The following PIGF variants were observed in gnomAD, a reference collection of about 807,000 sequenced individuals.
The protein encoded by PIGF is GPI ethanolamine phosphate transferase, stabilizing subunit.
In PIGF, 23 loss-of-function variants were observed where a neutral mutation model predicts 26.0. The ratio of observed to expected loss-of-function variants is 0.88; its 90% CI spans 0.64 to 1.25. The LOEUF (loss-of-function observed/expected upper bound fraction) is 1.25. Ranked by LOEUF, PIGF falls within the 50% of genes most tolerant of loss-of-function variation. PIGF has a pLI of 0.00. For synonymous variants in PIGF, 93 were observed against 92.6 expected, an observed-to-expected ratio of 1.00 and a Z score of -0.03; for missense variants, 278 against 249.9, an observed-to-expected ratio of 1.11 and a Z score of -0.76.
Position 46,615,197 on chromosome 2 carries a change from C to T in PIGF, c.-21-12G>A, listed in dbSNP as rs1359932688. ...TCTTGGATGGCTAGCTAACAAAAAA[C>T]AAGAAAAGAAGAGCATATGCAATAA... On this transcript the variant is annotated splice_polypyrimidine_tract_variant and intron_variant, in intron 1 of 5. Transcript: ENST00000281382. The T allele has an allele frequency of 9.2e-7, 1 of 1,082,508 alleles. No homozygotes were observed. The highest frequency in any genetic ancestry group is 1.4e-6 in the Non-Finnish European group (1 of 708,424). 67.1% of individuals were successfully genotyped at this position (1,082,508 alleles called of 1,614,324 possible).
chr2:46,587,655 G>A (rs1272783729), intron 5 of PIGF, among the ~76,000 whole-genome samples: 4 of 152,120 alleles, frequency 2.6e-5, no homozygotes, highest in African/African-American at 9.7e-5. Flanking sequence ...GCCGAGACTT[G>A]ATTATTTGGT....
Position 46,615,121 on chromosome 2 carries a change from A to G in PIGF, c.44T>C (p.Leu15Ser). Residue 15 changes from leucine to serine, a missense_variant, in exon 2 of 6, where the codon TTA becomes TCA. Coordinates refer to ENST00000281382, the MANE Select transcript of PIGF (RefSeq NM_002643.4). ...ACTTAGGATAATTGAAAATATGCAT[A>G]AAAGATGGGTATACAGTAGTCTCTT... is the stretch of plus-strand genomic sequence containing the variant. The part of the protein sequence containing the change: ...DIKRLLYTHL[L>S]CIFSIILSVF... 2 of 1,576,254 alleles carry G rather than the reference A, an allele frequency of 1.3e-6. No individual in the cohort carries two copies. Among genetic ancestry groups the G allele is most frequent in the Non-Finnish European group, 1.7e-6 (2 of 1,145,484 alleles).
intron 4 of PIGF, among the ~76,000 whole-genome samples, chr2:46,606,052 T>C (rs1328064628): frequency 6.6e-6 from 1 of 152,210 alleles, no homozygotes; most frequent in Non-Finnish European, 1.5e-5. Context: ...CTACTGAAGT[T>C]TAGGTGACAT....
At chr2:46,582,394 G>GTGTT (rs1283749863) in intron 5 of PIGF, 3 of 152,122 alleles carry the variant, frequency 2.0e-5, no homozygotes, top group East Asian at 3.8e-4. Flanking sequence ...CCACAGAACT[G>GTGTT]TGTTAGAGGT....
At chr2:46,585,407 C>T (rs1333047525) in intron 5 of PIGF, among the ~76,000 whole-genome samples, 4 of 151,872 alleles carry the variant, frequency 2.6e-5, no homozygotes, top group African/African-American at 9.7e-5. Context: ...TTAAAATTAC[C>T]AGGAAGAAGA....
intron 2 of PIGF, 73 bp downstream of exon 2, chr2:46,614,864 T>A (rs893378163): frequency 4.2e-6 from 3 of 707,012 alleles, no homozygotes; most frequent in South Asian, 1.8e-5. Context: ...AAAGACTTGA[T>A]GAATACTTTA....
rs749820138 is a variant in PIGF at position 46,592,624 on chromosome 2, T to A, written c.438-41A>T. The A allele has an allele frequency of 1.6e-4, 154 of 957,758 alleles. No homozygotes were observed. The East Asian group carries it at 3.7e-3, about 23-fold the overall frequency. The allele number at this position is 957,758 out of a possible 1,614,324, so 59.3% of individuals were successfully genotyped here. A position where few individuals can be genotyped will look rare whatever the true frequency, so the allele number is the denominator to read the frequency against. ...TGGTACATCGTTGGTGGTATATACA[T>A]GAGCTGCTGGAGAATCCAACAAGCA... On this transcript the variant is annotated intron_variant, in intron 4 of 5. Transcript: ENST00000281382.
At chr2:46,610,866 T>C (rs6713104) in intron 4 of PIGF, among the ~76,000 whole-genome samples, 21,544 of 152,134 alleles carry the variant, frequency 0.14, 2,232 homozygotes, top group African/African-American at 0.29. Flanking sequence ...AAGTCGGTAA[T>C]TTATGAAGCC....
chr2:46,591,758 T>C, intron 5 of PIGF: 1 of 1,188,456 alleles, frequency 8.4e-7, no homozygotes, highest in South Asian at 1.5e-5. Flanking sequence ...ACCCTCTAGG[T>C]GTCAGTTTCC....
At chr2:46,611,047 T>C (rs371429355) in intron 4 of PIGF, among the ~76,000 whole-genome samples, 91 of 152,330 alleles carry the variant, frequency 6.0e-4, no homozygotes, top group African/African-American at 2.1e-3. Context: ...AAGTCCATCA[T>C]AGATCATTCC....
rs1669361787 is a variant in PIGF at position 46,581,318 on chromosome 2, ACAATCTCTCAG to A, written c.*149_*159del. 9.1e-7 allele frequency: 1 copy of A among 1,100,752 alleles called. No homozygotes were observed. Among genetic ancestry groups the A allele is most frequent in the Non-Finnish European group, 1.3e-6 (1 of 782,366 alleles). The allele number at this position is 1,100,752 out of a possible 1,614,324, so 68.2% of individuals were successfully genotyped here. A position where few individuals can be genotyped will look rare whatever the true frequency, so the allele number is the denominator to read the frequency against. On this transcript the variant is annotated 3_prime_UTR_variant, in exon 6 of 6. Transcript: ENST00000281382. ...AAATACTTTATTTCAACTAGAAGGT[ACAATCTCTCAG>A]GGGTTTCATAGTTTAAAAAGCTACA... is the stretch of plus-strand genomic sequence containing the variant.
At chr2:46,594,932 C>A (rs1003679471) in intron 4 of PIGF, among the ~76,000 whole-genome samples, 1 of 151,608 alleles carries the variant, frequency 6.6e-6, no homozygotes, top group Non-Finnish European at 1.5e-5. Flanking sequence ...CTCACTGCAA[C>A]GTCCGCCTCC....
At chr2:46,615,739 G>A (rs1670596890) in intron 1 of PIGF, 1 of 152,436 alleles carries the variant, frequency 6.6e-6, no homozygotes, top group African/African-American at 2.4e-5. Context: ...TACTCAAATG[G>A]TGGCCAGTGG....
At chr2:46,597,695 A>T (rs569483563) in intron 4 of PIGF, among the ~76,000 whole-genome samples, 1 of 152,330 alleles carries the variant, frequency 6.6e-6, no homozygotes, top group South Asian at 2.1e-4. Context: ...TATAGGCGTG[A>T]GCCACAGCGC....
chr2:46,593,134 CTTTTTT>C (rs71397007), intron 4 of PIGF, among the ~76,000 whole-genome samples: 2 of 132,304 alleles, frequency 1.5e-5, no homozygotes, highest in African/African-American at 2.8e-5. Context: ...ACCAGTCTTT[CTTTTTT>C]TTTTTTTTTT....
In PIGF at chr2:46,614,982, T is replaced by C. The variant is rs552554129; in HGVS notation, c.183A>G (p.Val61=). 8.7e-5 allele frequency: 140 copies of C among 1,601,706 alleles called. 1 individual carries two copies. The South Asian group carries it at 1.5e-3, about 17-fold the overall frequency. Residue 61 remains valine, a synonymous_variant, in exon 2 of 6, where the codon GTA becomes GTG. Transcript: ENST00000281382. ...VTAVNLVLYL[V]VKPNTSSKRS... ...TTTTAGAGGATGTATTTGGTTTCAC[T>C]ACTAAATATAGTACTAGATTGACAG...
intron 5 of PIGF, chr2:46,582,347 C>T (rs182884950): frequency 6.6e-6 from 1 of 151,368 alleles, no homozygotes; most frequent in Non-Finnish European, 1.5e-5. Flanking sequence ...ATTTGGTACA[C>T]TGGAGCCATT....
Position 46,589,520 on chromosome 2 carries a change from T to G in PIGF, c.546+2955A>C, listed in dbSNP as rs369249686. ...TGTGTGTGTGTGTGCATGTGTGTGT[T>G]TTTAAAGGTACAATTGCTTAACCAG... On this transcript the variant is annotated intron_variant, in intron 5 of 5. Coordinates refer to ENST00000281382, the MANE Select transcript of PIGF (RefSeq NM_002643.4). The surrounding 1 kb of genome is among the most constrained non-coding windows in gnomAD (Gnocchi z 4.7). Among the ~76,000 whole-genome samples the G allele has an allele frequency of 2.0e-5, 3 of 151,800 alleles. No homozygotes were observed. Among genetic ancestry groups the G allele is most frequent in the Non-Finnish European group, 4.4e-5 (3 of 67,850 alleles).
chr2:46,608,130 T>C (rs1670282593), intron 4 of PIGF, among the ~76,000 whole-genome samples: 1 of 152,246 alleles, frequency 6.6e-6, no homozygotes, highest in African/African-American at 2.4e-5. Flanking sequence ...TCTTTCAAAA[T>C]TGGAGTCAAC....
Sources: allele counts gnomAD v4.1 joint callset (sites outside exome capture counted in the v4.1 genomes callset), GRCh38; gene constraint gnomAD v4.1.1; non-coding constraint Gnocchi (gnomAD v3.1); transcripts MANE v1.5; gene names NCBI Gene and HGNC (gene_info 2026-07-23, HGNC 2026-07-21).